The following DLST variants were observed in gnomAD, a reference collection of about 807,000 sequenced individuals.
DLST encodes the protein dihydrolipoyllysine-residue succinyltransferase component of 2-oxoglutarate dehydrogenase complex, mitochondrial.
Under a neutral mutation model 53.1 loss-of-function variants are expected in DLST, and 17 were observed. That is an observed-to-expected ratio of 0.32 (90% confidence interval 0.22 to 0.48). The LOEUF (loss-of-function observed/expected upper bound fraction) is 0.48, where lower values mean the gene tolerates loss of function less well. Ranked by LOEUF, DLST falls within the 20% of genes least tolerant of loss-of-function variation. DLST has a pLI of 0.99. For synonymous variants in DLST, 206 were observed against 204.8 expected (o/e 1.01, Z -0.05); for missense variants, 512 against 583.9 (o/e 0.88, Z 1.27).
intron 6 of DLST, 106 bp from the exon 7 acceptor site, chr14:74,890,950 C>T: frequency 2.1e-6 from 3 of 1,437,880 alleles, no homozygotes; most frequent in African/African-American, 1.4e-5. Context: ...TATGCTGGGA[C>T]TACAGGCATG....
intron 7 of DLST, chr14:74,891,948 C>A: frequency 1.4e-6 from 1 of 711,682 alleles, no homozygotes; most frequent in Non-Finnish European, 1.7e-6. Context: ...TAGCACTAAC[C>A]CTGGATATAA....
At chr14:74,894,218 C>A in intron 9 of DLST, 94 bp from the exon 10 acceptor site, 1 of 1,464,276 alleles carries the variant, frequency 6.8e-7, no homozygotes, top group Non-Finnish European at 9.3e-7. Flanking sequence ...CCTTGGCCAT[C>A]TACTCGTGGC....
At position 74,893,895 on chromosome 14, in the gene DLST, A is replaced by G. The variant is rs144444763; in HGVS notation, c.673-417A>G. Among the ~76,000 whole-genome samples, 4 of 152,346 alleles carry G rather than the reference A, an allele frequency of 2.6e-5. No homozygotes were observed. In the East Asian group the frequency reaches 7.7e-4, roughly 29 times the overall value. The stretch of plus-strand genomic sequence containing the variant: ...GTTCCTCTGCCTGAGAATACTTCCT[A>G]AAAATATGATAGCCTCGAAAGTTTG... On this transcript the variant is annotated intron_variant, in intron 9 of 14. Coordinates refer to ENST00000334220, the MANE Select transcript of DLST (RefSeq NM_001933.5).
At chr14:74,883,396 G>A (rs904061855) in intron 2 of DLST, among the ~76,000 whole-genome samples, 4 of 152,044 alleles carry the variant, frequency 2.6e-5, no homozygotes, top group Non-Finnish European at 5.9e-5. Context: ...CCCTGAGGAA[G>A]AAAAGAGGTT....
At chr14:74,892,317 G>A (rs953495115) in intron 7 of DLST, among the ~76,000 whole-genome samples, 2 of 152,142 alleles carry the variant, frequency 1.3e-5, no homozygotes, top group African/African-American at 4.8e-5. Flanking sequence ...TGTTGACCTT[G>A]TGATCCGCCT....
intron 9 of DLST, 73 bp downstream of exon 9, chr14:74,893,497 G>A: frequency 6.5e-7 from 1 of 1,526,840 alleles, no homozygotes; most frequent in South Asian, 1.1e-5. Flanking sequence ...TGGGTGTGGT[G>A]ATGCCTACCT....
At chr14:74,885,185 A>G (rs1277844861) in intron 2 of DLST, among the ~76,000 whole-genome samples, 1 of 152,226 alleles carries the variant, frequency 6.6e-6, no homozygotes, top group Non-Finnish European at 1.5e-5. Context: ...GGTTATGTAT[A>G]GTCACAGGAT....
chr14:74,890,084 A>C (rs1883849948), intron 6 of DLST, 132 bp downstream of exon 6: 4 of 440,172 alleles, frequency 9.1e-6, no homozygotes, highest in Non-Finnish European at 7.6e-6. Context: ...AAATTATTGG[A>C]TTTGTTCAAT....
At chr14:74,887,022 T>C (rs951202787) in intron 3 of DLST, among the ~76,000 whole-genome samples, 15 of 152,164 alleles carry the variant, frequency 9.9e-5, no homozygotes, top group Non-Finnish European at 1.6e-4. Context: ...ATTACAAGCA[T>C]GAGCCACTGC....
At chr14:74,898,263 A>G (rs756715081) in intron 10 of DLST, 106 bp from the exon 11 acceptor site, 4 of 1,416,090 alleles carry the variant, frequency 2.8e-6, no homozygotes, top group Non-Finnish European at 3.8e-6. Flanking sequence ...GTAATGGTCC[A>G]GAGTGAGGGA....
Position 74,894,391 on chromosome 14 carries a change from T to A in DLST, c.752T>A (p.Phe251Tyr), listed in dbSNP as rs61741963. ...AATACATGTGCAATGCTGACAACTTTTAATGAGATTGACATGAGGTAGTGT... is the reference window on the plus strand; with the variant it reads ...AATACATGTGCAATGCTGACAACTTATAATGAGATTGACATGAGGTAGTGT... ...AQNTCAMLTT[F>Y]NEIDMSNIQE... The change falls in exon 10 of 15, where the codon TTT becomes TAT. Residue 251 changes from phenylalanine (F) to tyrosine (Y), a missense_variant. Phe to Tyr is a conservative substitution (Grantham distance 22, BLOSUM62 3). Around this residue, in one of 4 missense-constraint regions of DLST, gnomAD observed 162 missense variants for 162.0 expected, o/e 1.00. Transcript: ENST00000334220. The A allele has an allele frequency of 1.7e-3, 2,700 of 1,614,152 alleles. 58 individuals are homozygous for A. The African/African-American group carries it at 0.033, about 19-fold the overall frequency.
intron 5 of DLST, 174 bp from the exon 6 acceptor site, chr14:74,889,723 C>T: frequency 1.6e-6 from 1 of 617,332 alleles, no homozygotes; most frequent in South Asian, 2.2e-5. Flanking sequence ...CTAAAATTCT[C>T]CCCTCCCCTC....
intron 5 of DLST, chr14:74,889,664 C>G: frequency 1.8e-6 from 1 of 560,260 alleles, no homozygotes; most frequent in African/African-American, 1.9e-5. Flanking sequence ...TGAGCCACTG[C>G]GTGAGCCACT....
chr14:74,884,699 T>C (rs1883644363), intron 2 of DLST, among the ~76,000 whole-genome samples: 2 of 152,190 alleles, frequency 1.3e-5, no homozygotes, highest in South Asian at 4.1e-4. Flanking sequence ...CATACTATGC[T>C]TAGAATTTGC....
At chr14:74,895,088 G>T (rs1032963924) in intron 10 of DLST, among the ~76,000 whole-genome samples, 2 of 152,106 alleles carry the variant, frequency 1.3e-5, no homozygotes, top group African/African-American at 4.8e-5. Flanking sequence ...TTAGCCAGGT[G>T]TGGTGGTGCA....
At chr14:74,885,504 G>T (rs1883671478) in intron 2 of DLST, 82 bp from the exon 3 acceptor site, 2 of 1,372,448 alleles carry the variant, frequency 1.5e-6, no homozygotes, top group African/African-American at 2.9e-5. Context: ...CAGGGTTGGG[G>T]GTGAGCAGAC....
intron 2 of DLST, 102 bp downstream of exon 2, chr14:74,882,726 GT>G (rs1034283758): frequency 9.0e-7 from 1 of 1,110,034 alleles, no homozygotes; most frequent in African/African-American, 1.5e-5. Flanking sequence ...TTTAAAGACA[GT>G]TTGGTTCAGA....
intron 11 of DLST, among the ~76,000 whole-genome samples, chr14:74,898,797 C>T (rs751721764): frequency 1.3e-5 from 2 of 152,188 alleles, no homozygotes; most frequent in African/African-American, 2.4e-5. Flanking sequence ...AAGGTGGAAG[C>T]ACGTGTTCTG....
At chr14:74,889,183 G>C (rs1486175650) in intron 4 of DLST, 36 bp downstream of exon 4, 1 of 1,611,848 alleles carries the variant, frequency 6.2e-7, no homozygotes, top group Non-Finnish European at 8.5e-7. Flanking sequence ...GAATTTTATG[G>C]GAAGAGCAAC....
Sources: allele counts gnomAD v4.1 joint callset (sites outside exome capture counted in the v4.1 genomes callset), GRCh38; gene constraint gnomAD v4.1.1; regional missense constraint gnomAD v4.1.1; transcripts MANE v1.5; gene names NCBI Gene and HGNC (gene_info 2026-07-23, HGNC 2026-07-21).